Variants in SLC38A2 observed in about 807,000 individuals in gnomAD.
SLC38A2 encodes solute carrier family 38 member 2, also known as sodium-coupled neutral amino acid symporter 2.
SLC38A2 carries 11 observed loss-of-function variants against 61.5 expected under a neutral mutation model. The observed-to-expected ratio is 0.18, with a 90% CI of 0.11 to 0.30. The LOEUF (loss-of-function observed/expected upper bound fraction) is 0.30. Ranked by LOEUF, SLC38A2 falls within the 10% of genes least tolerant of loss-of-function variation. The pLI is 1.00. For missense variants in SLC38A2, 522 were observed against 600.4 expected (o/e 0.87, Z 1.36); for synonymous variants, 217 against 212.5 (o/e 1.02, Z -0.18).
chr12:46,361,115 T>C lies in SLC38A2; in HGVS notation c.1517A>G (p.His506Arg). 6.2e-7 allele frequency: 1 copy of C among 1,613,156 alleles called. No individual in the cohort carries two copies. The highest frequency in any genetic ancestry group is 8.5e-7 in the Non-Finnish European group (1 of 1,179,430). The change falls in exon 16 of 16, where the codon CAT becomes CGT. Residue 506 changes from histidine (H) to arginine (R), a missense_variant. By Grantham distance (29) the His-to-Arg change is conservative. This residue lies in a region of SLC38A2 where 309 missense variants were observed against 343.9 expected (regional missense o/e 0.90). Transcript: ENST00000256689. ...TTTGAGTTTGAGTGGTGCCAATTAA[T>C]GGCCACCTCCAGGTGCATTGTGTAC... ...DWVHNAPGGG[H>R]
intron 7 of SLC38A2, among the ~76,000 whole-genome samples, chr12:46,366,441 A>G (rs2120549877): frequency 6.6e-6 from 1 of 152,242 alleles, no homozygotes; most frequent in African/African-American, 2.4e-5. Context: ...AAAGTTTTGG[A>G]TTTCAGATTA....
chr12:46,362,732 C>A, intron 13 of SLC38A2, 94 bp from the exon 14 acceptor site: 4 of 1,302,458 alleles, frequency 3.1e-6, no homozygotes, highest in South Asian at 2.9e-5. Context: ...GCCCAAGTAA[C>A]AAGGAATCTA....
chr12:46,370,569 C>T lies in SLC38A2; in HGVS notation c.257G>A (p.Gly86Asp). The T allele has an allele frequency of 6.2e-7, 1 of 1,614,142 alleles. No individual in the cohort carries two copies. The highest frequency in any genetic ancestry group is 8.5e-7 in the Non-Finnish European group (1 of 1,180,002). Residue 86 changes from glycine (G) to aspartate (D), a missense_variant, in exon 4 of 16, where the codon GGC (glycine) becomes GAC (aspartate). Coordinates refer to ENST00000256689, the MANE Select transcript of SLC38A2 (RefSeq NM_018976.5). ...ATAAGAAAGCCCAAGGATTCCACTG[C>T]CCACAATCGCATTGCTCAGATTAAA... is the stretch of plus-strand genomic sequence containing the variant. ...SVFNLSNAIV[G>D]SGILGLSYAM...
intron 8 of SLC38A2, 72 bp from the exon 9 acceptor site, chr12:46,364,774 T>C: frequency 7.0e-7 from 1 of 1,436,698 alleles, no homozygotes; most frequent in Middle Eastern, 1.8e-4. Flanking sequence ...TTTTTCCCAC[T>C]GAATAACTCA....
intron 10 of SLC38A2, 38 bp downstream of exon 10, chr12:46,364,351 T>A: frequency 6.5e-7 from 1 of 1,536,582 alleles, no homozygotes. Context: ...TTTTCTTCCC[T>A]AAACTCTTCT....
chr12:46,372,572 T>TA lies in SLC38A2; in HGVS notation c.-151dup, dbSNP rs1451645376. The TA allele has an allele frequency of 3.0e-5, 12 of 395,324 alleles. No individual in the cohort carries two copies. The highest frequency in any genetic ancestry group is 5.4e-5 in the Non-Finnish European group (12 of 224,256). 24.5% of individuals were successfully genotyped at this position (395,324 alleles called of 1,614,324 possible). On this transcript the variant is annotated 5_prime_UTR_variant, in exon 1 of 16. Coordinates refer to ENST00000256689, the MANE Select transcript of SLC38A2 (RefSeq NM_018976.5). ...GTTTCTCTCAGTCAAATACAAATCA[T>TA]AAAAAACAAACAAAAAATTTCCCCA...
chr12:46,364,555 A>T lies in SLC38A2; in HGVS notation c.707T>A (p.Val236Asp). The part of the protein sequence containing the change: ...LLCMVFFLIV[V>D]ICKKFQVPCP... ...CGGAACCTGAAATTTCTTGCAAATG[A>T]CCTAAAAATATATTATTTTGCATGT... is the stretch of plus-strand genomic sequence containing the variant. Residue 236 changes from valine (V) to aspartate (D), a missense_variant and splice_region_variant, in exon 10 of 16, where the codon GTC (valine) becomes GAC (aspartate). Physicochemically the swap from Val to Asp is radical, Grantham distance 152. This residue lies in a region of SLC38A2 where 309 missense variants were observed against 343.9 expected (regional missense o/e 0.90). Coordinates refer to ENST00000256689, the MANE Select transcript of SLC38A2 (RefSeq NM_018976.5). 1 of 1,601,248 alleles carries T rather than the reference A, an allele frequency of 6.2e-7. No individual in the cohort carries two copies.
chr12:46,370,982 T>C (rs536306065), intron 2 of SLC38A2, 125 bp from the exon 3 acceptor site: 5 of 847,484 alleles, frequency 5.9e-6, no homozygotes, highest in Non-Finnish European at 9.4e-6. Context: ...TTACTTAATG[T>C]ATAAATATTA....
chr12:46,371,365 G>T lies in SLC38A2; in HGVS notation c.-72C>A, dbSNP rs940669355. On this transcript the variant is annotated 5_prime_UTR_variant, in exon 2 of 16. Coordinates refer to ENST00000256689, the MANE Select transcript of SLC38A2 (RefSeq NM_018976.5). ...TTTTGTCCTTGGCGGTGGGTGCAGC[G>T]GCCCGCGAGTCGGCCTGCGAAAGTA... 1.3e-5 allele frequency: 16 copies of T among 1,255,606 alleles called. 1 individual carries two copies. In the South Asian group the frequency reaches 1.6e-4, roughly 12 times the overall value. The allele number at this position is 1,255,606 out of a possible 1,614,324, so 77.8% of individuals were successfully genotyped here.
At chr12:46,364,785 A>G in intron 8 of SLC38A2, 83 bp from the exon 9 acceptor site, 1 of 1,371,226 alleles carries the variant, frequency 7.3e-7, no homozygotes, top group Non-Finnish European at 1.0e-6. Flanking sequence ...GAATAACTCA[A>G]TTCTGCTGGG....
At chr12:46,370,062 A>G (rs1325017992) in intron 4 of SLC38A2, among the ~76,000 whole-genome samples, 1 of 152,210 alleles carries the variant, frequency 6.6e-6, no homozygotes, top group Admixed American at 6.5e-5. Context: ...CACACCTTGT[A>G]TGTTTAGAGA....
intron 12 of SLC38A2, 134 bp downstream of exon 12, chr12:46,363,592 A>C (rs1396920358): frequency 3.8e-6 from 2 of 533,218 alleles, no homozygotes; most frequent in Non-Finnish European, 6.5e-6. Flanking sequence ...TTAATTTCTC[A>C]TCACAAATAT....
intron 15 of SLC38A2, 43 bp from the exon 16 acceptor site, chr12:46,361,252 A>C: frequency 1.4e-6 from 2 of 1,459,442 alleles, no homozygotes; most frequent in Non-Finnish European, 1.9e-6. Flanking sequence ...GTAATAAAAC[A>C]TATATGCTAA....
chr12:46,363,753 C>T lies in SLC38A2; in HGVS notation c.1027G>A (p.Ala343Thr), dbSNP rs144277927. 16 of 1,588,694 alleles carry T rather than the reference C, an allele frequency of 1.0e-5. No homozygotes were observed. Among genetic ancestry groups the T allele is most frequent in the Admixed American group, 1.9e-5 (1 of 53,172 alleles). Residue 343 changes from alanine (A) to threonine (T), a missense_variant, in exon 12 of 16, where the codon GCC becomes ACC. This residue lies in a region of SLC38A2 where 309 missense variants were observed against 343.9 expected (regional missense o/e 0.90). Transcript: ENST00000256689. ...FAMFLMYLLA[A>T]LFGYLTFYEH... Reference sequence around the variant, plus strand: ...TAAAATGTTAGGTATCCAAAGAGGGCGGCAAGCAGATACATGAGAAACATA... The same window carrying T: ...TAAAATGTTAGGTATCCAAAGAGGGTGGCAAGCAGATACATGAGAAACATA...
rs562471650 is a variant in SLC38A2, at chr12:46,358,606, A to T, written c.*2505T>A. 5.9e-5 allele frequency: 9 copies of T among 152,492 alleles called. No homozygotes were observed. Among genetic ancestry groups the T allele is most frequent in the African/African-American group, 1.9e-4 (8 of 41,440 alleles). The allele number at this position is 152,492 out of a possible 1,614,324, so 9.4% of individuals were successfully genotyped here. A position where few individuals can be genotyped will look rare whatever the true frequency, so the allele number is the denominator to read the frequency against. On this transcript the variant is annotated 3_prime_UTR_variant, in exon 16 of 16. Coordinates refer to ENST00000256689, the MANE Select transcript of SLC38A2 (RefSeq NM_018976.5). ...TACAGGTACTTTTGGGACAATTCTT[A>T]TAGTTACATAATGTGAATTCATCAA... is the stretch of plus-strand genomic sequence containing the variant.
intron 13 of SLC38A2, 69 bp downstream of exon 13, chr12:46,362,952 G>GA: frequency 6.3e-7 from 1 of 1,578,544 alleles, no homozygotes; most frequent in East Asian, 2.2e-5. Flanking sequence ...TCCAGAAGAT[G>GA]AAAATCTCAC....
chr12:46,367,016 C>A (rs1943145739), intron 6 of SLC38A2, 60 bp downstream of exon 6: 1 of 1,600,628 alleles, frequency 6.2e-7, no homozygotes, highest in South Asian at 1.1e-5. Context: ...CATGTGTCAC[C>A]ATTCTGTGCT....
In SLC38A2 at chr12:46,358,421, T is replaced by G. The variant is rs1943044659; in HGVS notation, c.*2690A>C. Reference sequence around the variant, plus strand: ...ACTAGATCACATTTTGATTACTGCATTTTGAAAATGTATTCCTTATTTAAA... The same window carrying G: ...ACTAGATCACATTTTGATTACTGCAGTTTGAAAATGTATTCCTTATTTAAA... On this transcript the variant is annotated 3_prime_UTR_variant, in exon 16 of 16. Coordinates refer to ENST00000256689, the MANE Select transcript of SLC38A2 (RefSeq NM_018976.5). The G allele has an allele frequency of 6.6e-6, 1 of 152,658 alleles. No individual in the cohort carries two copies. Among genetic ancestry groups the G allele is most frequent in the African/African-American group, 2.4e-5 (1 of 41,458 alleles). The allele number at this position is 152,658 out of a possible 1,614,324, so 9.5% of individuals were successfully genotyped here.
intron 4 of SLC38A2, 137 bp downstream of exon 4, chr12:46,370,375 G>T: frequency 1.5e-6 from 1 of 651,190 alleles, no homozygotes. Context: ...GATTTTTTGG[G>T]GTTTCTCATA....
Sources: gnomAD v4.1 joint callset for allele counts (sites outside exome capture counted in the v4.1 genomes callset) on GRCh38, gnomAD v4.1.1 for gene constraint, gnomAD v4.1.1 regional missense constraint, MANE v1.5 for transcripts, NCBI Gene and HGNC (gene_info 2026-07-23, HGNC 2026-07-21) for gene names.